The following DEAF1 variants were observed in gnomAD, a reference collection of about 807,000 sequenced individuals.
DEAF1 encodes DEAF1 transcription factor, also known as deformed epidermal autoregulatory factor 1 homolog.
Under a neutral mutation model 58.9 loss-of-function variants are expected in DEAF1, and 53 were observed. The observed-to-expected ratio is 0.90, with a 90% CI of 0.72 to 1.13. DEAF1 has a LOEUF of 1.13. DEAF1 is among the 50% of genes most tolerant of loss of function. The pLI, the probability that DEAF1 is intolerant of heterozygous loss-of-function variation, is 0.00. For synonymous variants in DEAF1, 385 were observed against 340.4 expected, an observed-to-expected ratio of 1.13 and a Z score of -1.44; for missense variants, 685 against 791.4, an observed-to-expected ratio of 0.87 and a Z score of 1.61.
intron 11 of DEAF1, chr11:646,424 CTG>C (rs1589966111): frequency 6.6e-6 from 1 of 152,164 alleles, no homozygotes; most frequent in Non-Finnish European, 1.5e-5. Flanking sequence ...TGCCGAGACT[CTG>C]TGTGGGGTGA....
chr11:701,739 T>C (rs1175766121), intron 1 of DEAF1, among the ~76,000 whole-genome samples: 1 of 152,178 alleles, frequency 6.6e-6, no homozygotes, highest in Non-Finnish European at 1.5e-5. Context: ...TTACCCTGGT[T>C]GGTCTTGAAC....
At chr11:654,147 T>G (rs7106020) in intron 10 of DEAF1, 96 bp from the exon 11 acceptor site, 189,866 of 841,550 alleles carry the variant, frequency 0.23, 27,528 homozygotes, top group African/African-American at 0.59. Context: ...AGGCCCCAAG[T>G]TCCCCCCATT....
intron 11 of DEAF1, among the ~76,000 whole-genome samples, chr11:645,032 A>G (rs1248741647): frequency 2.6e-5 from 4 of 151,968 alleles, no homozygotes; most frequent in Non-Finnish European, 4.4e-5. Context: ...GCATGGTGGC[A>G]GGCACCTCTA....
At chr11:703,260 G>C (rs1861582938) in intron 1 of DEAF1, 1 of 1,452,016 alleles carries the variant, frequency 6.9e-7, no homozygotes, top group Admixed American at 2.6e-5. Flanking sequence ...CCTAGTGACT[G>C]GCCATAGATG....
Position 644,240 on chromosome 11 carries a change from T to G in DEAF1, c.*310A>C. On this transcript the variant is annotated 3_prime_UTR_variant, in exon 12 of 12. Coordinates refer to ENST00000382409, the MANE Select transcript of DEAF1 (RefSeq NM_021008.4). The surrounding 1 kb of genome is among the most constrained non-coding windows in gnomAD (Gnocchi z 4.3). Reference sequence around the variant, plus strand: ...GGCCGTGTGGGGCAGGGAGACCTTATTTACACTTTATTGACAGACACAACA... The same window carrying G: ...GGCCGTGTGGGGCAGGGAGACCTTAGTTACACTTTATTGACAGACACAACA... 2.2e-6 allele frequency: 1 copy of G among 457,410 alleles called. No individual in the cohort carries two copies. Among genetic ancestry groups the G allele is most frequent in the Non-Finnish European group, 4.1e-6 (1 of 245,302 alleles). 28.3% of individuals were successfully genotyped at this position (457,410 alleles called of 1,614,324 possible).
At position 695,090 on chromosome 11, in the gene DEAF1, C is replaced by A; in HGVS notation, c.-43G>T. On this transcript the variant is annotated 5_prime_UTR_variant, in exon 1 of 12. Transcript: ENST00000382409. ...TTCCCGAAGGCGCCGTCCGGGACCGCCCGAAGCGCCGGTCGCGGAGCCCGA... is the reference window on the plus strand; with the variant it reads ...TTCCCGAAGGCGCCGTCCGGGACCGACCGAAGCGCCGGTCGCGGAGCCCGA... 3 of 1,410,652 alleles carry A rather than the reference C, an allele frequency of 2.1e-6. No individual in the cohort carries two copies. Among genetic ancestry groups the A allele is most frequent in the South Asian group, 2.7e-5 (2 of 72,814 alleles). The allele number at this position is 1,410,652 out of a possible 1,614,324, so 87.4% of individuals were successfully genotyped here.
intron 7 of DEAF1, 36 bp downstream of exon 7, chr11:680,927 C>T: frequency 6.2e-7 from 1 of 1,613,956 alleles, no homozygotes; most frequent in Non-Finnish European, 8.5e-7. Flanking sequence ...ACTCAGGTCC[C>T]CTCAGTAAAC....
At chr11:684,609 TTA>T (rs1860507551) in intron 6 of DEAF1, among the ~76,000 whole-genome samples, 1 of 152,124 alleles carries the variant, frequency 6.6e-6, no homozygotes, top group African/African-American at 2.4e-5. Flanking sequence ...ATGTTTAGTT[TTA>T]GAGTTAAGGC....
chr11:684,972 T>C lies in DEAF1; in HGVS notation c.805-9A>G. The C allele has an allele frequency of 1.3e-6, 2 of 1,551,060 alleles. No homozygotes were observed. The highest frequency in any genetic ancestry group is 1.7e-6 in the Non-Finnish European group (2 of 1,146,782). ...GGGTTTAAGATCCCATCCTGAGATG[T>C]GAAAAGAACCACCATGCATTAGCAA... On this transcript the variant is annotated splice_polypyrimidine_tract_variant and intron_variant, in intron 5 of 11. Coordinates refer to ENST00000382409, the MANE Select transcript of DEAF1 (RefSeq NM_021008.4).
intron 2 of DEAF1, among the ~76,000 whole-genome samples, 173 bp downstream of exon 2, chr11:691,328 C>G (rs1372372745): frequency 6.6e-6 from 1 of 152,234 alleles, no homozygotes; most frequent in Non-Finnish European, 1.5e-5. Context: ...TAATTTCTCC[C>G]ACCTCCAGCA....
At chr11:674,896 G>A in intron 9 of DEAF1, 113 bp from the exon 10 acceptor site, 1 of 1,455,932 alleles carries the variant, frequency 6.9e-7, no homozygotes, top group South Asian at 1.2e-5. Flanking sequence ...TGTAATCCCA[G>A]CACTTTGGGA....
intron 6 of DEAF1, 41 bp downstream of exon 6, chr11:684,857 C>A (rs756331329): frequency 1.3e-6 from 2 of 1,541,854 alleles, no homozygotes; most frequent in Non-Finnish European, 1.8e-6. Context: ...CCGCCCCCAG[C>A]CCCACCAAGT....
chr11:683,222 T>C (rs948910652), intron 6 of DEAF1, among the ~76,000 whole-genome samples: 1 of 152,228 alleles, frequency 6.6e-6, no homozygotes, highest in Non-Finnish European at 1.5e-5. Flanking sequence ...TAAAATTTGA[T>C]GAAGTCCAAT....
At chr11:672,698 A>C (rs2133359323) in intron 10 of DEAF1, among the ~76,000 whole-genome samples, 1 of 151,850 alleles carries the variant, frequency 6.6e-6, no homozygotes, top group East Asian at 1.9e-4. Flanking sequence ...AATACAAAAA[A>C]TCAGCCAGGT....
intron 11 of DEAF1, among the ~76,000 whole-genome samples, chr11:645,445 C>T (rs1858443763): frequency 6.6e-6 from 1 of 151,976 alleles, no homozygotes; most frequent in Non-Finnish European, 1.5e-5. Context: ...GCCTCCCTAG[C>T]AGCTGGGATT....
chr11:700,365 A>G lies in DEAF1; in HGVS notation c.-438+6207T>C, dbSNP rs539875971. On this transcript the variant is annotated intron_variant, in intron 1 of 11. Transcript: ENST00000683307. ...AACATGGGGAAACCCCATCTCTACT[A>G]AAAACACAAAAAGTAGCCGGGCGTG... The G allele has an allele frequency of 1.0e-5, 9 of 871,646 alleles. No individual in the cohort carries two copies. In the Admixed American group the frequency reaches 1.1e-4, roughly 11 times the overall value. 54.0% of individuals were successfully genotyped at this position (871,646 alleles called of 1,614,324 possible). A position where few individuals can be genotyped will look rare whatever the true frequency, so the allele number is the denominator to read the frequency against.
upstream of DEAF1, among the ~76,000 whole-genome samples, chr11:696,452 C>G (rs949332971): frequency 6.6e-6 from 1 of 152,152 alleles, no homozygotes; most frequent in African/African-American, 2.4e-5. Context: ...CCTCTAGTAA[C>G]CAGGTTTGTT....
At chr11:650,803 G>T (rs535833569) in intron 11 of DEAF1, among the ~76,000 whole-genome samples, 2 of 152,104 alleles carry the variant, frequency 1.3e-5, no homozygotes, top group South Asian at 2.1e-4. Flanking sequence ...AAAATACAAA[G>T]AATTAGCTGG....
At chr11:681,142 G>A (rs1465475787) in intron 6 of DEAF1, 53 bp from the exon 7 acceptor site, 2 of 1,612,010 alleles carry the variant, frequency 1.2e-6, no homozygotes, top group Non-Finnish European at 1.7e-6. Context: ...AAGCTATGCT[G>A]CGCTTGCAAC....
Sources: allele counts gnomAD v4.1 joint callset (sites outside exome capture counted in the v4.1 genomes callset), GRCh38; gene constraint gnomAD v4.1.1; non-coding constraint Gnocchi (gnomAD v3.1); transcripts MANE v1.5; gene names NCBI Gene and HGNC (gene_info 2026-07-23, HGNC 2026-07-21).